The following PDE4D variants were observed in gnomAD, a reference collection of about 807,000 sequenced individuals.
PDE4D encodes the protein 3',5'-cyclic-AMP phosphodiesterase 4D.
PDE4D carries 24 observed loss-of-function variants against 87.4 expected under a neutral mutation model. The ratio of observed to expected loss-of-function variants is 0.27; its 90% CI spans 0.20 to 0.39. The LOEUF is 0.39. Among genes scored for constraint, PDE4D ranks in the 10% least tolerant of loss-of-function variants. The pLI is 1.00. For missense variants in PDE4D, 714 were observed against 1,041.0 expected (o/e 0.69, Z 4.32); for synonymous variants, 384 against 383.2 (o/e 1.00, Z -0.02).
chr5:59,067,335 A>G (rs1323541908), intron 5 of PDE4D, among the ~76,000 whole-genome samples: 1 of 152,082 alleles, frequency 6.6e-6, no homozygotes, highest in Non-Finnish European at 1.5e-5. Flanking sequence ...TTGTTACAGC[A>G]GCTTGAATGG....
intron 1 of PDE4D, among the ~76,000 whole-genome samples, chr5:59,835,761 G>A (rs1358168741): frequency 6.6e-6 from 1 of 152,082 alleles, no homozygotes; most frequent in Non-Finnish European, 1.5e-5. Flanking sequence ...TTATCTGGTA[G>A]AGTCAGTTTA....
intron 1 of PDE4D, among the ~76,000 whole-genome samples, chr5:59,656,406 A>C (rs1399069128): frequency 6.6e-6 from 1 of 152,154 alleles, no homozygotes; most frequent in Non-Finnish European, 1.5e-5. Context: ...AATCTCTCTT[A>C]ATCTTCCTTT....
At chr5:60,016,979 T>C (rs936613953) in intron 2 of PDE4D, among the ~76,000 whole-genome samples, 7 of 152,226 alleles carry the variant, frequency 4.6e-5, no homozygotes, top group Non-Finnish European at 8.8e-5. Context: ...TACAGCTGTA[T>C]GAAATGTGTT....
intron 1 of PDE4D, among the ~76,000 whole-genome samples, chr5:60,331,812 G>T (rs931567800): frequency 2.0e-5 from 3 of 152,208 alleles, no homozygotes; most frequent in Non-Finnish European, 4.4e-5. Context: ...GAATTTTAAG[G>T]AATAGTCTTT....
chr5:60,264,386 T>TAGCTATAGCCAAAACAATCAG (rs1749965737), intron 1 of PDE4D, among the ~76,000 whole-genome samples: 1 of 152,216 alleles, frequency 6.6e-6, no homozygotes, highest in Non-Finnish European at 1.5e-5. Context: ...GGACAGTACC[T>TAGCTATAGCCAAAACAATCAG]TGGCCTAGCT....
chr5:59,830,471 A>G (rs1270886094), intron 1 of PDE4D, among the ~76,000 whole-genome samples: 4 of 152,148 alleles, frequency 2.6e-5, no homozygotes, highest in African/African-American at 9.6e-5. Context: ...CTAATCTTTC[A>G]GTCATCATCC....
At chr5:59,187,037 G>GGGAT (rs1338037508) in intron 3 of PDE4D, among the ~76,000 whole-genome samples, 2 of 152,030 alleles carry the variant, frequency 1.3e-5, no homozygotes, top group African/African-American at 4.8e-5. Flanking sequence ...CCCTTCCTAG[G>GGGAT]CAAAATTTTT....
At chr5:60,485,369 C>A (rs1256774841) in intron 1 of PDE4D, among the ~76,000 whole-genome samples, 2 of 146,204 alleles carry the variant, frequency 1.4e-5, no homozygotes, top group South Asian at 2.3e-4. Flanking sequence ...GAGGGAAGAG[C>A]AAATTTTTCC....
chr5:60,019,030 C>T (rs531646109), intron 2 of PDE4D, among the ~76,000 whole-genome samples: 1 of 152,292 alleles, frequency 6.6e-6, no homozygotes, highest in Admixed American at 6.5e-5. Context: ...ATAGAATATA[C>T]ATTCTTCTTG....
chr5:59,839,106 G>C (rs984785344), intron 1 of PDE4D, among the ~76,000 whole-genome samples: 1 of 151,822 alleles, frequency 6.6e-6, no homozygotes, highest in Non-Finnish European at 1.5e-5. Context: ...CACACTGAAC[G>C]TTCCACTGAA....
chr5:59,174,947 T>G (rs1783591258), intron 5 of PDE4D, among the ~76,000 whole-genome samples: 1 of 152,194 alleles, frequency 6.6e-6, no homozygotes, highest in Non-Finnish European at 1.5e-5. Flanking sequence ...GATGATTAAA[T>G]AAACATATTG....
intron 1 of PDE4D, among the ~76,000 whole-genome samples, chr5:59,745,272 G>C (rs903710149): frequency 6.6e-6 from 1 of 152,112 alleles, no homozygotes; most frequent in African/African-American, 2.4e-5. Flanking sequence ...CAATCTCCAG[G>C]GGAAAAATTC....
intron 1 of PDE4D, among the ~76,000 whole-genome samples, chr5:59,465,279 A>G (rs1415318220): frequency 6.6e-6 from 1 of 151,872 alleles, no homozygotes; most frequent in Non-Finnish European, 1.5e-5. Flanking sequence ...TATTTATTTC[A>G]TTCTCTTGCT....
At chr5:60,315,005 A>G (rs1359158580) in intron 1 of PDE4D, among the ~76,000 whole-genome samples, 2 of 152,202 alleles carry the variant, frequency 1.3e-5, no homozygotes, top group African/African-American at 4.8e-5. Context: ...TATACCCAGT[A>G]AGGGAAGGCT....
chr5:60,234,811 T>A (rs545798189), intron 1 of PDE4D, among the ~76,000 whole-genome samples: 1 of 152,038 alleles, frequency 6.6e-6, no homozygotes, highest in Admixed American at 6.6e-5. Context: ...TTCATGTAAG[T>A]TATCAAATTT....
rs1233935654 is a variant in PDE4D at position 60,083,569 on chromosome 5, T to C, written c.43-94852A>G. Among the ~76,000 whole-genome samples the C allele has an allele frequency of 2.6e-5, 4 of 152,334 alleles. No individual in the cohort carries two copies. In the East Asian group the frequency reaches 7.7e-4, roughly 29 times the overall value. On this transcript the variant is annotated intron_variant, in intron 2 of 16. Transcript: ENST00000502484. Reference sequence around the variant, plus strand: ...TCATCAAGGAAGATGGCAAACAGTATGGAAGATAGAGAAGTAGACTTTCAT... The same window carrying C: ...TCATCAAGGAAGATGGCAAACAGTACGGAAGATAGAGAAGTAGACTTTCAT...
chr5:59,289,402 C>G (rs1581784215), intron 1 of PDE4D, among the ~76,000 whole-genome samples: 1 of 151,806 alleles, frequency 6.6e-6, no homozygotes, highest in East Asian at 1.9e-4. Context: ...CAGAGAAAAT[C>G]ACTTTTACTA....
At chr5:60,405,853 G>A (rs977345728) in intron 1 of PDE4D, among the ~76,000 whole-genome samples, 3 of 152,092 alleles carry the variant, frequency 2.0e-5, no homozygotes, top group African/African-American at 7.2e-5. Flanking sequence ...AGAACACAAA[G>A]GAAAAACATA....
intron 1 of PDE4D, among the ~76,000 whole-genome samples, chr5:60,232,575 C>T (rs1279524691): frequency 6.6e-6 from 1 of 151,796 alleles, no homozygotes; most frequent in Non-Finnish European, 1.5e-5. Context: ...TACTGTCCCA[C>T]ACTGCAATGA....
Sources: gnomAD v4.1 joint callset for allele counts (sites outside exome capture counted in the v4.1 genomes callset) on GRCh38, gnomAD v4.1.1 for gene constraint, MANE v1.5 for transcripts, NCBI Gene and HGNC (gene_info 2026-07-23, HGNC 2026-07-21) for gene names.